TATDN3: variants seen among roughly 807,000 people sequenced by gnomAD.
The protein encoded by TATDN3 is TatD DNase domain containing 3, also known as deoxyribonuclease TATDN3.
In TATDN3, 29 loss-of-function variants were observed where a neutral mutation model predicts 40.1. The ratio of observed to expected loss-of-function variants is 0.72; its 90% CI spans 0.54 to 0.99. TATDN3 has a LOEUF of 0.99. TATDN3 is among the 50% of genes least tolerant of loss of function. TATDN3 has a pLI of 0.00. For missense variants in TATDN3, 309 were observed against 321.9 expected (o/e 0.96, Z 0.31); for synonymous variants, 105 against 117.0 (o/e 0.90, Z 0.66).
In TATDN3 at chr1:212,802,692, T is replaced by C. The variant is rs762516786; in HGVS notation, c.259-9T>C. 21 of 1,606,402 alleles carry C rather than the reference T, an allele frequency of 1.3e-5. No individual in the cohort carries two copies. Among genetic ancestry groups the C allele is most frequent in the African/African-American group, 4.0e-5 (3 of 74,770 alleles). On this transcript the variant is annotated splice_polypyrimidine_tract_variant and intron_variant, in intron 4 of 9. Transcript: ENST00000366974. ...TTCCATTTTAACAATTTTACTTTTT[T>C]TCTCCCAGGATTTGGATGTAGCTTT...
intron 2 of TATDN3, among the ~76,000 whole-genome samples, chr1:212,795,462 G>A (rs1661691464): frequency 6.6e-6 from 1 of 151,956 alleles, no homozygotes; most frequent in South Asian, 2.1e-4. Context: ...GTAGAGACAG[G>A]GTTTCACCAT....
At chr1:212,806,373 T>C (rs1662466002) in intron 7 of TATDN3, among the ~76,000 whole-genome samples, 1 of 148,794 alleles carries the variant, frequency 6.7e-6, no homozygotes. Flanking sequence ...TCTCTCTTTT[T>C]TTTTTTTTTT....
intron 4 of TATDN3, among the ~76,000 whole-genome samples, chr1:212,798,536 CAAA>C (rs11296428): frequency 8.8e-5 from 8 of 91,312 alleles, no homozygotes; most frequent in Non-Finnish European, 8.5e-5. Context: ...CTCAAAAACT[CAAA>C]AAAAAAAAAA....
chr1:212,792,074 G>A (rs1471871238), intron 1 of TATDN3, 87 bp downstream of exon 1: 7 of 1,339,104 alleles, frequency 5.2e-6, no homozygotes, highest in Admixed American at 1.9e-5. Flanking sequence ...CCCTTGGGAC[G>A]AAACCCCATA....
chr1:212,810,055 T>C (rs554135834), intron 8 of TATDN3, among the ~76,000 whole-genome samples: 5 of 151,448 alleles, frequency 3.3e-5, no homozygotes, highest in Non-Finnish European at 7.4e-5. Context: ...AAAATAAAAT[T>C]TAAATTGCAT....
In TATDN3 at chr1:212,806,781, T is replaced by TATAC. The variant is rs1553257528; in HGVS notation, c.488-953_488-950dup. On this transcript the variant is annotated intron_variant, in intron 7 of 9. Coordinates refer to ENST00000366974, the MANE Select transcript of TATDN3 (RefSeq NM_001042552.3). ...ATATATATATATATATATATATATA[T>TATAC]ATACACACACACACACACATATATA... Among the ~76,000 whole-genome samples, 8 of 94,442 alleles carry TATAC rather than the reference T, an allele frequency of 8.5e-5. 1 individual carries two copies. Among genetic ancestry groups the TATAC allele is most frequent in the African/African-American group, 3.4e-4 (8 of 23,508 alleles). 62.0% of individuals were successfully genotyped at this position (94,442 alleles called of 152,430 possible). A position where few individuals can be genotyped will look rare whatever the true frequency, so the allele number is the denominator to read the frequency against.
In TATDN3 at chr1:212,797,189, C is replaced by A. The variant is rs1661831116; in HGVS notation, c.251C>A (p.Thr84Lys). 1 of 1,613,236 alleles carries A rather than the reference C, an allele frequency of 6.2e-7. No homozygotes were observed. The highest frequency in any genetic ancestry group is 8.5e-7 in the Non-Finnish European group (1 of 1,179,334). The part of the protein sequence containing the change: ...GLPPEDQRSV[T>K]LKDLDVALPI... ...CCACCAGAAGACCAAAGAAGTGTCA[C>A]ACTAAAGGTAACAGTCATACAAAAC... The change falls in exon 4 of 10, where the codon ACA (threonine) becomes AAA (lysine). Residue 84 changes from threonine to lysine, a missense_variant. Coordinates refer to ENST00000366974, the MANE Select transcript of TATDN3 (RefSeq NM_001042552.3).
chr1:212,801,989 C>T (rs192495895), intron 4 of TATDN3, among the ~76,000 whole-genome samples: 145 of 152,222 alleles, frequency 9.5e-4, no homozygotes, highest in African/African-American at 3.3e-3. Flanking sequence ...AAATGCTTTG[C>T]AATTTATATA....
intron 8 of TATDN3, among the ~76,000 whole-genome samples, chr1:212,808,487 C>T (rs1662677314): frequency 6.6e-6 from 1 of 151,980 alleles, no homozygotes; most frequent in South Asian, 2.1e-4. Flanking sequence ...AAATTTAAGA[C>T]TTATAATTCA....
chr1:212,815,205 T>C lies in TATDN3; in HGVS notation c.*49T>C. 6.4e-7 allele frequency: 1 copy of C among 1,558,958 alleles called. No individual in the cohort carries two copies. The highest frequency in any genetic ancestry group is 8.6e-7 in the Non-Finnish European group (1 of 1,157,754). The stretch of plus-strand genomic sequence containing the variant: ...TCGAATCAACTGCAGGGGGCAGCAT[T>C]TGAAAAATAGAAATGTTCTGATGAA... On this transcript the variant is annotated 3_prime_UTR_variant, in exon 10 of 10. Transcript: ENST00000366974.
At chr1:212,806,757 TATATATATATATATATATATATATATAC>T (rs1487273175) in intron 7 of TATDN3, among the ~76,000 whole-genome samples, 2 of 100,610 alleles carry the variant, frequency 2.0e-5, no homozygotes, top group East Asian at 3.3e-4. Context: ...CATATATATA[TATATATATATATATATATATATATATAC>T]ACACACACAC....
chr1:212,795,944 C>G lies in TATDN3; in HGVS notation c.100-573C>G, dbSNP rs935927707. On this transcript the variant is annotated intron_variant, in intron 2 of 9. Transcript: ENST00000366974. ...GTTAGTCTGAATTCAAAACATGTTC[C>G]TATAGCTACCATGCTCAACAGCCCT... Among the ~76,000 whole-genome samples, 6 of 152,194 alleles carry G rather than the reference C, an allele frequency of 3.9e-5. No individual in the cohort carries two copies. The East Asian group carries it at 1.2e-3, about 29-fold the overall frequency.
At chr1:212,804,469 A>G in intron 6 of TATDN3, 40 bp downstream of exon 6, 1 of 1,574,316 alleles carries the variant, frequency 6.4e-7, no homozygotes, top group Non-Finnish European at 8.7e-7. Context: ...CTATAGAGCA[A>G]ATTAAATAAT....
chr1:212,814,943 A>C (rs1486706799), intron 9 of TATDN3, 70 bp from the exon 10 acceptor site: 1 of 1,508,822 alleles, frequency 6.6e-7, no homozygotes, highest in Non-Finnish European at 8.9e-7. Context: ...ATTTTCTTCT[A>C]TCTATAGTCT....
At chr1:212,810,049 T>A (rs192156346) in intron 8 of TATDN3, among the ~76,000 whole-genome samples, 1 of 144,696 alleles carries the variant, frequency 6.9e-6, no homozygotes. Flanking sequence ...AATAAAAAAA[T>A]AAAATTTAAA....
At chr1:212,811,014 A>T (rs529325103) in intron 8 of TATDN3, among the ~76,000 whole-genome samples, 1 of 152,056 alleles carries the variant, frequency 6.6e-6, no homozygotes, top group South Asian at 2.1e-4. Context: ...GCAGAGTCTC[A>T]CTCTGTCGCC....
intron 6 of TATDN3, 44 bp from the exon 7 acceptor site, chr1:212,804,552 C>G (rs1440088901): frequency 6.3e-7 from 1 of 1,593,914 alleles, no homozygotes; most frequent in African/African-American, 1.3e-5. Flanking sequence ...AAAAACAATA[C>G]TTTCAGAATG....
At chr1:212,811,952 C>T (rs968841986) in intron 8 of TATDN3, among the ~76,000 whole-genome samples, 3 of 152,016 alleles carry the variant, frequency 2.0e-5, no homozygotes, top group African/African-American at 4.8e-5. Flanking sequence ...CTGTCTGCCT[C>T]GGCCTCCCAA....
chr1:212,806,783 TACACACAC>T (rs1553257532), intron 7 of TATDN3, among the ~76,000 whole-genome samples: 1 of 79,520 alleles, frequency 1.3e-5, no homozygotes, highest in Non-Finnish European at 2.4e-5. Flanking sequence ...TATATATATA[TACACACAC>T]ACACACACAT....
Sources: gnomAD v4.1 joint callset for allele counts (sites outside exome capture counted in the v4.1 genomes callset) on GRCh38, gnomAD v4.1.1 for gene constraint, MANE v1.5 for transcripts, NCBI Gene and HGNC (gene_info 2026-07-23, HGNC 2026-07-21) for gene names.